Variants in LRIG1 observed in about 807,000 individuals in gnomAD.
LRIG1 encodes the protein leucine rich repeats and immunoglobulin like domains 1, also known as leucine-rich repeats and immunoglobulin-like domains protein 1.
LRIG1 carries 48 observed loss-of-function variants against 99.2 expected under a neutral mutation model. The ratio of observed to expected loss-of-function variants is 0.48; its 90% confidence interval spans 0.38 to 0.62. The LOEUF is 0.62. Among genes scored for constraint, LRIG1 ranks in the 20% least tolerant of loss-of-function variants. LRIG1 has a pLI of 0.00. For synonymous variants in LRIG1, 772 were observed against 596.1 expected (o/e 1.29, Z -4.30); for missense variants, 1,646 against 1,434.4 (o/e 1.15, Z -2.38).
At chr3:66,487,460 C>A (rs967252560) in intron 1 of LRIG1, among the ~76,000 whole-genome samples, 1 of 152,186 alleles carries the variant, frequency 6.6e-6, no homozygotes, top group East Asian at 1.9e-4. Flanking sequence ...GGGATCCGTT[C>A]TGCCCTGAAA....
intron 3 of LRIG1, among the ~76,000 whole-genome samples, chr3:66,447,169 A>G (rs897140469): frequency 6.6e-6 from 1 of 152,218 alleles, no homozygotes; most frequent in African/African-American, 2.4e-5. Context: ...AAATCACATC[A>G]TGGAGAATGG....
intron 17 of LRIG1, 92 bp from the exon 18 acceptor site, chr3:66,380,953 G>A: frequency 7.4e-7 from 1 of 1,349,268 alleles, no homozygotes; most frequent in Non-Finnish European, 1.0e-6. Flanking sequence ...CACTGTGCAA[G>A]GTGAGAACCC....
intron 3 of LRIG1, among the ~76,000 whole-genome samples, chr3:66,431,964 GAT>G (rs1703186443): frequency 6.6e-6 from 1 of 152,206 alleles, no homozygotes; most frequent in African/African-American, 2.4e-5. Flanking sequence ...ACAGTACGAT[GAT>G]AATGGAATCC....
intron 1 of LRIG1, among the ~76,000 whole-genome samples, chr3:66,464,251 G>A (rs752424467): frequency 7.9e-5 from 12 of 152,196 alleles, no homozygotes; most frequent in Non-Finnish European, 1.6e-4. Flanking sequence ...GGTAACAGGA[G>A]TTGTGAAGCA....
Position 66,384,240 on chromosome 3 carries a change from T to C in LRIG1, c.1822A>G (p.Ile608Val), listed in dbSNP as rs774387909. ...LPSFTKTPHD[I>V]TIRTTTMARL... ...GCCATGGTGGTGGTCCGGATGGTTA[T>C]GTCGTGGGGCGTTTTGGTGAATGAT... The change falls in exon 14 of 19, where the codon ATA becomes GTA. Residue 608 changes from isoleucine (I) to valine (V), a missense_variant. Coordinates refer to ENST00000273261, the MANE Select transcript of LRIG1 (RefSeq NM_015541.3). 6.2e-7 allele frequency: 1 copy of C among 1,612,842 alleles called. No individual in the cohort carries two copies. Among genetic ancestry groups the C allele is most frequent in the Non-Finnish European group, 8.5e-7 (1 of 1,178,926 alleles).
At chr3:66,491,129 G>C (rs1440501813) in intron 1 of LRIG1, among the ~76,000 whole-genome samples, 1 of 152,156 alleles carries the variant, frequency 6.6e-6, no homozygotes, top group Non-Finnish European at 1.5e-5. Context: ...TTTTCTTACA[G>C]GCTGCCTCTA....
Position 66,381,515 on chromosome 3 carries a change from C to T in LRIG1, c.2734G>A (p.Glu912Lys), listed in dbSNP as rs1464734661. ...GGCCCAGGTGTCCCTTCAGCTTTCTCCATCGCTTTCCACGGCTCTTTGTGA... is the reference window on the plus strand; with the variant it reads ...GGCCCAGGTGTCCCTTCAGCTTTCTTCATCGCTTTCCACGGCTCTTTGTGA... ...AYHKEPWKAM[E>K]KAEGTPGPHK... The change falls in exon 17 of 19, where the codon GAG (glutamate) becomes AAG (lysine). Residue 912 changes from glutamate (E) to lysine (K), a missense_variant. Glu to Lys is a moderately conservative substitution (Grantham distance 56, BLOSUM62 1). Transcript: ENST00000273261. The T allele has an allele frequency of 6.2e-7, 1 of 1,614,050 alleles. No individual in the cohort carries two copies. Among genetic ancestry groups the T allele is most frequent in the Non-Finnish European group, 8.5e-7 (1 of 1,179,918 alleles).
At chr3:66,486,562 C>T (rs575925583) in intron 1 of LRIG1, among the ~76,000 whole-genome samples, 22 of 152,290 alleles carry the variant, frequency 1.4e-4, no homozygotes, top group Middle Eastern at 3.4e-3. Flanking sequence ...TCAAGACAAA[C>T]GCTTAAATTC....
Position 66,384,440 on chromosome 3 carries a change from T to C in LRIG1, c.1790-168A>G, listed in dbSNP as rs28493389. Among the ~76,000 whole-genome samples the C allele has an allele frequency of 4.8e-3, 728 of 152,282 alleles. 4 individuals carry two copies. The highest frequency in any genetic ancestry group is 0.016 in the African/African-American group (684 of 41,556). ...CACCTGTGAATCAGGAACCCCCAGC[T>C]TCTCCCACCACAGTTGGAACACTTC... On this transcript the variant is annotated intron_variant, in intron 13 of 18. Coordinates refer to ENST00000273261, the MANE Select transcript of LRIG1 (RefSeq NM_015541.3).
At chr3:66,484,404 A>C (rs560192397) in intron 1 of LRIG1, among the ~76,000 whole-genome samples, 1 of 152,382 alleles carries the variant, frequency 6.6e-6, no homozygotes, top group East Asian at 1.9e-4. Flanking sequence ...GGGTAGTCAG[A>C]AACGAATCAA....
rs775991889 is a variant in LRIG1 at position 66,379,930 on chromosome 3, G to GC, written c.*332dup. 8 of 175,238 alleles carry GC rather than the reference G, an allele frequency of 4.6e-5. No individual in the cohort carries two copies. The highest frequency in any genetic ancestry group is 8.4e-5 in the Non-Finnish European group (7 of 82,932). The allele number at this position is 175,238 out of a possible 1,614,324, so 10.9% of individuals were successfully genotyped here. On this transcript the variant is annotated 3_prime_UTR_variant, in exon 19 of 19. Coordinates refer to ENST00000273261, the MANE Select transcript of LRIG1 (RefSeq NM_015541.3). ...TCCCCACCCCCTCCAAAATTAAACA[G>GC]CAACCTGATACGAAAAATAATATTG... is the stretch of plus-strand genomic sequence containing the variant.
At chr3:66,406,323 GTC>G in intron 8 of LRIG1, 1 of 985,626 alleles carries the variant, frequency 1.0e-6, no homozygotes, top group Non-Finnish European at 1.2e-6. Flanking sequence ...TTGTGTGCCT[GTC>G]TCTCTGCTCC....
At chr3:66,468,703 G>A (rs779989208) in intron 1 of LRIG1, among the ~76,000 whole-genome samples, 2 of 152,128 alleles carry the variant, frequency 1.3e-5, no homozygotes, top group Non-Finnish European at 2.9e-5. Context: ...TCAGCCACTC[G>A]TTAAAAAATT....
At chr3:66,386,901 C>T (rs1251282488) in intron 12 of LRIG1, 1 of 151,844 alleles carries the variant, frequency 6.6e-6, no homozygotes, top group African/African-American at 2.4e-5. Context: ...TATCCAAAGC[C>T]CCATTCTTCC....
In LRIG1 at chr3:66,425,663, T is replaced by C. The variant is rs536496795; in HGVS notation, c.366-8397A>G. ...TCAAAGGAACAGCGCAGCCTTTCTC[T>C]GCAACCAGACAAAACCAGTGATTCT... On this transcript the variant is annotated intron_variant, in intron 3 of 18. Coordinates refer to ENST00000273261, the MANE Select transcript of LRIG1 (RefSeq NM_015541.3). 5.3e-5 allele frequency among the ~76,000 whole-genome samples: 8 copies of C among 152,346 alleles called. No homozygotes were observed. In the South Asian group the frequency reaches 1.7e-3, roughly 32 times the overall value.
intron 6 of LRIG1, among the ~76,000 whole-genome samples, chr3:66,410,932 T>C (rs779349541): frequency 6.6e-6 from 1 of 152,248 alleles, no homozygotes; most frequent in Non-Finnish European, 1.5e-5. Flanking sequence ...TCTGTGCCAC[T>C]GTGCTAGGAG....
At chr3:66,457,978 A>T (rs1240755748) in intron 2 of LRIG1, among the ~76,000 whole-genome samples, 1 of 152,228 alleles carries the variant, frequency 6.6e-6, no homozygotes, top group Non-Finnish European at 1.5e-5. Context: ...GATGAAGGAT[A>T]TAGGAATTTA....
chr3:66,382,311 T>C lies in LRIG1; in HGVS notation c.2579A>G (p.Glu860Gly). Residue 860 changes from glutamate (E) to glycine (G), a missense_variant, in exon 16 of 19, where the codon GAG (glutamate) becomes GGG (glycine). Glu to Gly is a moderately conservative substitution (Grantham distance 98). Transcript: ENST00000273261. The stretch of plus-strand genomic sequence containing the variant: ...GTGCCCATTGGCCTGAGGGCCACCC[T>C]CGGTCCTGACCACGGTTTCTTGTCG... ...SDRQETVVRTEGGPQANGHIE... is the reference protein window; with the variant it reads ...SDRQETVVRTGGGPQANGHIE... The C allele has an allele frequency of 6.2e-7, 1 of 1,614,144 alleles. No individual in the cohort carries two copies. The highest frequency in any genetic ancestry group is 8.5e-7 in the Non-Finnish European group (1 of 1,180,008).
chr3:66,444,194 T>G (rs939085491), intron 3 of LRIG1, among the ~76,000 whole-genome samples: 40 of 152,306 alleles, frequency 2.6e-4, no homozygotes, highest in African/African-American at 9.1e-4. Flanking sequence ...TCCTGCCACG[T>G]TGGGCTGCTC....
Sources: allele counts gnomAD v4.1 joint callset (sites outside exome capture counted in the v4.1 genomes callset), GRCh38; gene constraint gnomAD v4.1.1; transcripts MANE v1.5; gene names NCBI Gene and HGNC (gene_info 2026-07-23, HGNC 2026-07-21).